GRIA3: variants seen among roughly 807,000 people sequenced by gnomAD.
GRIA3 encodes the protein glutamate ionotropic receptor AMPA type subunit 3.
In GRIA3, 3 loss-of-function variants were observed where a neutral mutation model predicts 63.0. That is an observed-to-expected ratio of 0.05 (90% CI 0.02 to 0.12). GRIA3 has a LOEUF of 0.12. GRIA3 is among the 10% of genes least tolerant of loss of function. The probability of loss-of-function intolerance (pLI) is 1.00; values close to 1 mark genes in which losing one functional copy is unlikely to be tolerated. For synonymous variants in GRIA3, 274 were observed against 257.9 expected (o/e 1.06, Z -0.60); for missense variants, 347 against 700.9 (o/e 0.50, Z 5.70).
intron 11 of GRIA3, among the ~76,000 whole-genome samples, chrX:123,425,915 G>C (rs2045587201): frequency 8.9e-6 from 1 of 111,737 alleles, no homozygotes; most frequent in African/African-American, 3.3e-5. Flanking sequence ...TCAGAGTGTA[G>C]CATCTAAAAC....
At chrX:123,471,600 G>A (rs1448898192) in intron 13 of GRIA3, among the ~76,000 whole-genome samples, 1 of 111,641 alleles carries the variant, frequency 9.0e-6, no homozygotes, top group African/African-American at 3.3e-5. Flanking sequence ...CAGTGAAATG[G>A]TGTATGTTTA....
At chrX:123,471,766 G>T (rs2045863550) in intron 13 of GRIA3, among the ~76,000 whole-genome samples, 1 of 106,636 alleles carries the variant, frequency 9.4e-6, no homozygotes, top group East Asian at 3.0e-4. Flanking sequence ...AGTTGGGGTT[G>T]GTGGAACAGG....
At chrX:123,292,388 C>T (rs935621384) in intron 3 of GRIA3, among the ~76,000 whole-genome samples, 1 of 111,038 alleles carries the variant, frequency 9.0e-6, no homozygotes, top group East Asian at 2.8e-4. Flanking sequence ...TTGGTGTCAC[C>T]TCACCTCCAC....
intron 3 of GRIA3, among the ~76,000 whole-genome samples, chrX:123,276,682 A>G (rs2044556427): frequency 9.0e-6 from 1 of 111,726 alleles, no homozygotes; most frequent in Admixed American, 9.5e-5. Flanking sequence ...GTATCCAGGC[A>G]GTCTAACTTT....
rs1329057787 is a variant in GRIA3 at position 123,392,144 on chromosome X, GC to G, written c.751-2822del. On this transcript the variant is annotated intron_variant, in intron 5 of 15. Coordinates refer to ENST00000620443, the MANE Select transcript of GRIA3 (RefSeq NM_007325.5). ...GGCATGGTTGCTTTCAGTGGCAGCAGCCATAAACAGGTAGCTTGGGAGCATG... is the reference window on the plus strand; with the variant it reads ...GGCATGGTTGCTTTCAGTGGCAGCAGCATAAACAGGTAGCTTGGGAGCATG... Among the ~76,000 whole-genome samples the G allele has an allele frequency of 2.7e-5, 3 of 112,329 alleles. No individual in the cohort carries two copies. In the East Asian group the frequency reaches 8.4e-4, roughly 31 times the overall value.
At chrX:123,333,007 T>A (rs1257027162) in intron 4 of GRIA3, among the ~76,000 whole-genome samples, 4 of 111,311 alleles carry the variant, frequency 3.6e-5, no homozygotes, top group Non-Finnish European at 7.6e-5. Flanking sequence ...TCCATGACAT[T>A]CAAATTTTAT....
At chrX:123,321,068 G>A (rs1295642037) in intron 3 of GRIA3, among the ~76,000 whole-genome samples, 1 of 111,987 alleles carries the variant, frequency 8.9e-6, no homozygotes, top group Non-Finnish European at 1.9e-5. Flanking sequence ...CTGTAATACT[G>A]TGGTTCTGTG....
At position 123,404,840 on chromosome X, in the gene GRIA3, G is replaced by A; in HGVS notation, c.1426G>A (p.Gly476Ser). 5 of 1,209,152 alleles carry A rather than the reference G, an allele frequency of 4.1e-6. No individual in the cohort carries two copies. Among genetic ancestry groups the A allele is most frequent in the Non-Finnish European group, 5.6e-6 (5 of 893,145 alleles). ...VRIKYKLSIV[G>S]DGKYGARDPE... ...GATCAAATACAAATTGTCCATCGTT[G>A]GTGACGGGAAATATGGTGCAAGGGA... The change falls in exon 10 of 16, where the codon GGT becomes AGT. Residue 476 changes from glycine to serine, a missense_variant. By Grantham distance (56) the Gly-to-Ser change is moderately conservative. Around this residue, in one of 8 missense-constraint regions of GRIA3, gnomAD observed 65 missense variants for 145.8 expected, o/e 0.45. Coordinates refer to ENST00000620443, the MANE Select transcript of GRIA3 (RefSeq NM_007325.5).
rs746687501 is a variant in GRIA3 at position 123,419,556 on chromosome X, G to A, written c.1877+1778G>A. Among the ~76,000 whole-genome samples the A allele has an allele frequency of 1.6e-4, 18 of 111,397 alleles. No homozygotes were observed. The Middle Eastern group carries it at 0.014, about 85-fold the overall frequency. ...GGCAGTCTACAGAGACAGAAAGTACGTTAGTTGTTGCCAAGGGCTTGCAGG... is the reference window on the plus strand; with the variant it reads ...GGCAGTCTACAGAGACAGAAAGTACATTAGTTGTTGCCAAGGGCTTGCAGG... On this transcript the variant is annotated intron_variant, in intron 11 of 15. Transcript: ENST00000620443.
At chrX:123,463,520 A>C (rs1344084678) in intron 12 of GRIA3, among the ~76,000 whole-genome samples, 3 of 93,116 alleles carry the variant, frequency 3.2e-5, no homozygotes, top group Non-Finnish European at 6.3e-5. Flanking sequence ...ACTGCACTCC[A>C]GTCTGGGTGA....
intron 12 of GRIA3, among the ~76,000 whole-genome samples, chrX:123,463,825 G>A (rs1603171570): frequency 9.2e-6 from 1 of 109,226 alleles, no homozygotes; most frequent in Non-Finnish European, 1.9e-5. Flanking sequence ...GAAAAAGAAA[G>A]AGAAAGAAAG....
intron 5 of GRIA3, among the ~76,000 whole-genome samples, chrX:123,367,223 A>G (rs1412106748): frequency 1.8e-5 from 2 of 111,642 alleles, no homozygotes; most frequent in Non-Finnish European, 3.8e-5. Flanking sequence ...AACAAAAGGA[A>G]CCATTGTTTC....
At chrX:123,252,905 G>A (rs778050896) in intron 2 of GRIA3, among the ~76,000 whole-genome samples, 1 of 111,974 alleles carries the variant, frequency 8.9e-6, no homozygotes, top group African/African-American at 3.3e-5. Flanking sequence ...ATGAGAAAAA[G>A]GAATGAAGGG....
chrX:123,453,120 A>G (rs2045742350), intron 12 of GRIA3, among the ~76,000 whole-genome samples: 1 of 112,153 alleles, frequency 8.9e-6, no homozygotes, highest in Non-Finnish European at 1.9e-5. Context: ...TATTCACAAT[A>G]GCAAAGACTT....
intron 5 of GRIA3, among the ~76,000 whole-genome samples, chrX:123,391,905 G>C (rs1204475806): frequency 8.9e-6 from 1 of 112,117 alleles, no homozygotes; most frequent in African/African-American, 3.2e-5. Context: ...CAGGAGGAGT[G>C]CTAAGTTCCA....
At chrX:123,275,409 C>T (rs1342859555) in intron 3 of GRIA3, among the ~76,000 whole-genome samples, 3 of 112,274 alleles carry the variant, frequency 2.7e-5, no homozygotes, top group Non-Finnish European at 5.6e-5. Flanking sequence ...TATTTGACCA[C>T]TAGGCTTTAC....
intron 13 of GRIA3, among the ~76,000 whole-genome samples, chrX:123,469,157 T>A (rs187375359): frequency 5.4e-4 from 61 of 112,166 alleles, no homozygotes; most frequent in Non-Finnish European, 9.6e-4. Context: ...AGACCTATTA[T>A]CTCTGAAACC....
intron 12 of GRIA3, among the ~76,000 whole-genome samples, chrX:123,457,473 G>T (rs5911624): frequency 9.1e-6 from 1 of 110,416 alleles, no homozygotes; most frequent in Non-Finnish European, 1.9e-5. Context: ...GGACAACATA[G>T]GCATGGTGGC....
At chrX:123,321,250 C>T (rs1237636791) in intron 3 of GRIA3, among the ~76,000 whole-genome samples, 1 of 112,069 alleles carries the variant, frequency 8.9e-6, no homozygotes, top group Admixed American at 9.5e-5. Flanking sequence ...GGCCAGTAAA[C>T]CTTTTTGGGG....
Sources: gnomAD v4.1 joint callset for allele counts (sites outside exome capture counted in the v4.1 genomes callset) on GRCh38, gnomAD v4.1.1 for gene constraint, gnomAD v4.1.1 regional missense constraint, MANE v1.5 for transcripts, NCBI Gene and HGNC (gene_info 2026-07-23, HGNC 2026-07-21) for gene names.